The following CNTN5 variants were observed in gnomAD, a reference collection of about 807,000 sequenced individuals.
CNTN5 encodes contactin-5.
Under a neutral mutation model 129.1 loss-of-function variants are expected in CNTN5, and 77 were observed. The ratio of observed to expected loss-of-function variants is 0.60; its 90% confidence interval spans 0.50 to 0.72. The LOEUF is 0.72. CNTN5 is among the 30% of genes least tolerant of loss of function. CNTN5 has a pLI of 0.00. For missense variants in CNTN5, 1,478 were observed against 1,328.8 expected, an observed-to-expected ratio of 1.11 and a Z score of -1.75; for synonymous variants, 509 against 465.6, an observed-to-expected ratio of 1.09 and a Z score of -1.20.
chr11:99,138,278 T>C (rs1859334950), intron 1 of CNTN5, among the ~76,000 whole-genome samples: 2 of 152,178 alleles, frequency 1.3e-5, no homozygotes, highest in East Asian at 3.8e-4. Context: ...TTTTTCCTTT[T>C]CTTATTGTAC....
At chr11:99,086,088 A>G (rs1173348897) in intron 1 of CNTN5, among the ~76,000 whole-genome samples, 1 of 152,196 alleles carries the variant, frequency 6.6e-6, no homozygotes, top group Non-Finnish European at 1.5e-5. Context: ...CATTGGTATG[A>G]TTATCTTATA....
rs114601133 is a variant in CNTN5, at chr11:99,454,001, C to T, written c.-70-102144C>T. 2.0e-3 allele frequency among the ~76,000 whole-genome samples: 302 copies of T among 152,238 alleles called. 2 individuals carry two copies. Among genetic ancestry groups the T allele is most frequent in the African/African-American group, 6.8e-3 (284 of 41,534 alleles). On this transcript the variant is annotated intron_variant, in intron 2 of 24. Coordinates refer to ENST00000524871, the MANE Select transcript of CNTN5 (RefSeq NM_014361.4). ...AGTTGATTTAGTATTCCAATCTTCA[C>T]TCAGGCCTTAGAAAGATAAATAAAA...
chr11:100,312,653 A>T (rs569376), intron 21 of CNTN5, among the ~76,000 whole-genome samples: 20,435 of 152,036 alleles, frequency 0.13, 1,491 homozygotes, highest in Middle Eastern at 0.18. Context: ...GGCATTTGTC[A>T]TCAAAACCAA....
chr11:99,889,964 G>A (rs939277276), intron 6 of CNTN5, among the ~76,000 whole-genome samples: 1 of 151,968 alleles, frequency 6.6e-6, no homozygotes, highest in Non-Finnish European at 1.5e-5. Flanking sequence ...TCTTCACCTC[G>A]ATAAGATCAC....
intron 13 of CNTN5, among the ~76,000 whole-genome samples, chr11:100,092,995 T>G (rs999817198): frequency 1.1e-4 from 16 of 152,242 alleles, no homozygotes; most frequent in African/African-American, 3.8e-4. Flanking sequence ...AGTTCCATCC[T>G]CTTGCCTCAT....
intron 1 of CNTN5, among the ~76,000 whole-genome samples, chr11:99,196,364 T>C (rs920564598): frequency 6.6e-6 from 1 of 151,986 alleles, no homozygotes. Flanking sequence ...ACTAAATCCT[T>C]TTCTTTAGAG....
intron 1 of CNTN5, among the ~76,000 whole-genome samples, chr11:99,233,332 T>G (rs914018375): frequency 8.5e-5 from 13 of 152,176 alleles, no homozygotes; most frequent in African/African-American, 3.1e-4. Context: ...AACAAGGGAC[T>G]TCCAATTTGA....
chr11:99,725,825 A>G, intron 3 of CNTN5, among the ~76,000 whole-genome samples: 1 of 152,138 alleles, frequency 6.6e-6, no homozygotes, highest in Non-Finnish European at 1.5e-5. Flanking sequence ...CAGCTTTATT[A>G]AACACAAGCA....
At chr11:99,224,023 C>T (rs772928228) in intron 1 of CNTN5, among the ~76,000 whole-genome samples, 6 of 152,104 alleles carry the variant, frequency 3.9e-5, no homozygotes, top group Non-Finnish European at 8.8e-5. Flanking sequence ...AAGAAGGAAA[C>T]TTCAGCATTC....
chr11:99,183,272 G>T (rs1370171778), intron 1 of CNTN5, among the ~76,000 whole-genome samples: 1 of 152,106 alleles, frequency 6.6e-6, no homozygotes, highest in African/African-American at 2.4e-5. Flanking sequence ...CTATTGAAGA[G>T]AAATTTTAAA....
At chr11:99,984,115 C>A (rs533231283) in intron 8 of CNTN5, among the ~76,000 whole-genome samples, 3 of 151,954 alleles carry the variant, frequency 2.0e-5, no homozygotes, top group African/African-American at 7.2e-5. Flanking sequence ...TAAAAATACA[C>A]ACAAAAAATT....
chr11:99,273,974 G>A (rs1863302554), intron 1 of CNTN5, among the ~76,000 whole-genome samples: 1 of 151,516 alleles, frequency 6.6e-6, no homozygotes, highest in South Asian at 2.1e-4. Context: ...TTGACCACTA[G>A]CCACAAGTAG....
chr11:99,197,222 C>T (rs553296166), intron 1 of CNTN5, among the ~76,000 whole-genome samples: 5 of 151,962 alleles, frequency 3.3e-5, no homozygotes, highest in African/African-American at 1.2e-4. Flanking sequence ...TCTTTGACCA[C>T]AAAATTATAC....
intron 1 of CNTN5, among the ~76,000 whole-genome samples, chr11:99,206,200 T>C (rs540691974): frequency 3.2e-4 from 49 of 152,166 alleles, no homozygotes; most frequent in Non-Finnish European, 6.8e-4. Flanking sequence ...CAGGTAGATT[T>C]ATTTCCGAAA....
chr11:99,186,865 G>C (rs1472686455), intron 1 of CNTN5, among the ~76,000 whole-genome samples: 1 of 151,966 alleles, frequency 6.6e-6, no homozygotes, highest in South Asian at 2.1e-4. Flanking sequence ...GTAGCTGATT[G>C]CCCTTGTTGA....
chr11:99,425,028 G>A (rs576517114), intron 2 of CNTN5, among the ~76,000 whole-genome samples: 5 of 152,212 alleles, frequency 3.3e-5, no homozygotes, highest in Admixed American at 2.0e-4. Context: ...CCTTTCTATG[G>A]GCAGGTTATC....
intron 1 of CNTN5, among the ~76,000 whole-genome samples, chr11:99,198,899 A>C (rs1432288102): frequency 1.3e-5 from 2 of 152,186 alleles, no homozygotes; most frequent in East Asian, 3.8e-4. Flanking sequence ...AGACAGCCTC[A>C]GTCATATTCT....
At position 100,271,101 on chromosome 11, in the gene CNTN5, T is replaced by C; in HGVS notation, c.2174T>C (p.Ile725Thr). Reference sequence around the variant, plus strand: ...TCCTTCCTTTCTATAGTCCCAGAAATCATAACAGGGGACATGGAGTCAGCC... The same window carrying C: ...TCCTTCCTTTCTATAGTCCCAGAAACCATAACAGGGGACATGGAGTCAGCC... The part of the protein sequence containing the change: ...GWQTVKTVPE[I>T]ITGDMESAMA... The change falls in exon 18 of 25, where the codon ATC becomes ACC. Residue 725 changes from isoleucine to threonine, a missense_variant. Coordinates refer to ENST00000524871, the MANE Select transcript of CNTN5 (RefSeq NM_014361.4). 1 of 1,600,396 alleles carries C rather than the reference T, an allele frequency of 6.2e-7. No homozygotes were observed. The highest frequency in any genetic ancestry group is 1.8e-5 in the Admixed American group (1 of 55,726).
intron 3 of CNTN5, among the ~76,000 whole-genome samples, chr11:99,644,152 C>T (rs1408617940): frequency 9.8e-6 from 1 of 101,550 alleles, no homozygotes; most frequent in Non-Finnish European, 2.4e-5. Flanking sequence ...ATATCATTTC[C>T]AAAAAAGACT....
Sources: gnomAD v4.1 joint callset for allele counts (sites outside exome capture counted in the v4.1 genomes callset) on GRCh38, gnomAD v4.1.1 for gene constraint, MANE v1.5 for transcripts, NCBI Gene and HGNC (gene_info 2026-07-23, HGNC 2026-07-21) for gene names.